MAP2K4: variants seen among roughly 807,000 people sequenced by gnomAD.
MAP2K4 encodes the protein mitogen-activated protein kinase kinase 4.
A neutral mutation model predicts 48.5 loss-of-function variants in MAP2K4; 4 were observed. The observed-to-expected ratio is 0.08, with a 90% CI of 0.04 to 0.19. The LOEUF (loss-of-function observed/expected upper bound fraction) is 0.19, where lower values mean the gene tolerates loss of function less well. Among genes scored for constraint, MAP2K4 ranks in the 10% least tolerant of loss-of-function variants. The probability of loss-of-function intolerance (pLI) is 1.00; values close to 1 mark genes in which losing one functional copy is unlikely to be tolerated. For missense variants in MAP2K4, 258 were observed against 493.3 expected, an observed-to-expected ratio of 0.52 and a Z score of 4.52; for synonymous variants, 166 against 173.1, an observed-to-expected ratio of 0.96 and a Z score of 0.32.
chr17:12,078,217 A>G (rs1971075818), intron 2 of MAP2K4, among the ~76,000 whole-genome samples: 1 of 152,166 alleles, frequency 6.6e-6, no homozygotes, highest in Non-Finnish European at 1.5e-5. Context: ...GTGACAGCTG[A>G]TAGTTACTGC....
At chr17:12,104,725 A>C (rs1328261813) in intron 4 of MAP2K4, among the ~76,000 whole-genome samples, 4 of 152,048 alleles carry the variant, frequency 2.6e-5, no homozygotes, top group Admixed American at 6.6e-5. Context: ...GTCCTTGTTT[A>C]TACACAAGTG....
At chr17:12,073,737 G>A (rs1052318541) in intron 2 of MAP2K4, among the ~76,000 whole-genome samples, 3 of 150,930 alleles carry the variant, frequency 2.0e-5, no homozygotes, top group Non-Finnish European at 4.4e-5. Flanking sequence ...TAACATATCC[G>A]TCATTCCCAG....
intron 1 of MAP2K4, among the ~76,000 whole-genome samples, chr17:12,047,554 T>G (rs942480382): frequency 6.6e-6 from 1 of 152,222 alleles, no homozygotes; most frequent in Non-Finnish European, 1.5e-5. Context: ...GTTTCTAGTT[T>G]AATAGAATTA....
intron 3 of MAP2K4, among the ~76,000 whole-genome samples, chr17:12,086,911 A>G (rs1971386086): frequency 6.6e-6 from 1 of 152,158 alleles, no homozygotes; most frequent in Non-Finnish European, 1.5e-5. Context: ...CAGTGGCACA[A>G]TCTTGGCTCA....
intron 1 of MAP2K4, among the ~76,000 whole-genome samples, chr17:12,025,401 G>C (rs1209968878): frequency 6.6e-6 from 1 of 152,108 alleles, no homozygotes; most frequent in Non-Finnish European, 1.5e-5. Context: ...ATGATTATTT[G>C]CCTGCTGTAG....
chr17:12,090,554 C>T lies in MAP2K4; in HGVS notation c.394-5021C>T, dbSNP rs370438693. 4.6e-5 allele frequency among the ~76,000 whole-genome samples: 7 copies of T among 152,146 alleles called. No individual in the cohort carries two copies. In the East Asian group the frequency reaches 1.4e-3, roughly 29 times the overall value. On this transcript the variant is annotated intron_variant, in intron 3 of 10. Transcript: ENST00000353533. ...TCTGCAACTCCATCCTTAGCCTTTGCGTTGTCAGCCTGCCTTCCTTTGCCA... is the reference window on the plus strand; with the variant it reads ...TCTGCAACTCCATCCTTAGCCTTTGTGTTGTCAGCCTGCCTTCCTTTGCCA...
At chr17:12,125,049 T>C in intron 7 of MAP2K4, 1 of 451,532 alleles carries the variant, frequency 2.2e-6, no homozygotes, top group Non-Finnish European at 4.0e-6. Context: ...TTGTAAATGC[T>C]TTTGAGTCTT....
chr17:12,080,570 A>G (rs1193678540), intron 2 of MAP2K4, among the ~76,000 whole-genome samples: 1 of 152,172 alleles, frequency 6.6e-6, no homozygotes, highest in Non-Finnish European at 1.5e-5. Flanking sequence ...TCTTTTGTCT[A>G]CGAGCCACTC....
chr17:12,096,067 T>TCCACCCC (rs1971741762), intron 4 of MAP2K4, among the ~76,000 whole-genome samples: 1 of 23,760 alleles, frequency 4.2e-5, no homozygotes, highest in African/African-American at 1.5e-4. Context: ...GAGCAACGCC[T>TCCACCCC]CCCCCCCCCC....
intron 2 of MAP2K4, chr17:12,069,768 T>C (rs1403004574): frequency 9.7e-7 from 1 of 1,029,252 alleles, no homozygotes; most frequent in Non-Finnish European, 1.3e-6. Context: ...CAGAGCTGCA[T>C]TGCAGAAGGA....
At chr17:12,093,521 A>G (rs551173155) in intron 3 of MAP2K4, among the ~76,000 whole-genome samples, 17 of 152,338 alleles carry the variant, frequency 1.1e-4, no homozygotes, top group African/African-American at 4.1e-4. Context: ...TTGAAATATA[A>G]ATATTTGTAC....
At chr17:12,021,244 C>T (rs1477205431) in intron 1 of MAP2K4, 1 of 289,006 alleles carries the variant, frequency 3.5e-6, no homozygotes, top group Non-Finnish European at 6.4e-6. Flanking sequence ...CTGGGCCCTA[C>T]CGGGCTCTCA....
At chr17:12,061,931 A>G (rs1187072048) in intron 2 of MAP2K4, among the ~76,000 whole-genome samples, 1 of 152,008 alleles carries the variant, frequency 6.6e-6, no homozygotes, top group Non-Finnish European at 1.5e-5. Flanking sequence ...GAGTAACAGT[A>G]TGATTATATT....
chr17:12,083,356 A>G (rs1021756783), intron 3 of MAP2K4, among the ~76,000 whole-genome samples: 1 of 152,242 alleles, frequency 6.6e-6, no homozygotes, highest in Non-Finnish European at 1.5e-5. Flanking sequence ...GTAATGTTAC[A>G]TTATCAGTGG....
chr17:12,107,707 C>G (rs973650655), intron 4 of MAP2K4, 83 bp from the exon 5 acceptor site: 2 of 1,179,160 alleles, frequency 1.7e-6, no homozygotes, highest in African/African-American at 3.2e-5. Context: ...TAAGATTGCT[C>G]CTTTCTATTG....
intron 7 of MAP2K4, among the ~76,000 whole-genome samples, chr17:12,118,703 G>T (rs1597486309): frequency 6.6e-6 from 1 of 152,316 alleles, no homozygotes; most frequent in African/African-American, 2.4e-5. Flanking sequence ...TAAAAACACT[G>T]TCTTGAACAT....
In MAP2K4 at chr17:12,081,884, A is replaced by AC. The variant is rs1022094812; in HGVS notation, c.393+355dup. 5.5e-6 allele frequency: 3 copies of AC among 540,584 alleles called. No individual in the cohort carries two copies. Among genetic ancestry groups the AC allele is most frequent in the African/African-American group, 1.9e-5 (1 of 52,396 alleles). 33.5% of individuals were successfully genotyped at this position (540,584 alleles called of 1,614,324 possible). A position where few individuals can be genotyped will look rare whatever the true frequency, so the allele number is the denominator to read the frequency against. ...TGAGCCAGGCGGGAGCTGGAAGAAG[A>AC]CGCAGCACACTGGGTTGGGCAAGGT... is the stretch of plus-strand genomic sequence containing the variant. On this transcript the variant is annotated intron_variant, in intron 3 of 10. Coordinates refer to ENST00000353533, the MANE Select transcript of MAP2K4 (RefSeq NM_003010.4). This position sits in a 1 kb window ranked among gnomAD's most constrained non-coding sequence, Gnocchi z 4.2.
At chr17:12,025,887 C>T (rs191304744) in intron 1 of MAP2K4, among the ~76,000 whole-genome samples, 14 of 152,262 alleles carry the variant, frequency 9.2e-5, no homozygotes, top group East Asian at 1.9e-4. Context: ...GTCTGGTTTT[C>T]GAGAACCATG....
Position 12,055,007 on chromosome 17 carries a change from A to G in MAP2K4, c.218+16A>G, listed in dbSNP as rs780717323. Reference sequence around the variant, plus strand: ...ACCCACACATGTGAGTATTCTTGGTAATCAAAGGCTCAACTCAAGCAAAGA... The same window carrying G: ...ACCCACACATGTGAGTATTCTTGGTGATCAAAGGCTCAACTCAAGCAAAGA... On this transcript the variant is annotated intron_variant, in intron 2 of 10. Transcript: ENST00000353533. 27 of 1,496,802 alleles carry G rather than the reference A, an allele frequency of 1.8e-5. No homozygotes were observed. In the Admixed American group the frequency reaches 3.1e-4, roughly 17 times the overall value. The allele number at this position is 1,496,802 out of a possible 1,614,324, so 92.7% of individuals were successfully genotyped here. A position where few individuals can be genotyped will look rare whatever the true frequency, so the allele number is the denominator to read the frequency against.
Sources: allele counts gnomAD v4.1 joint callset (sites outside exome capture counted in the v4.1 genomes callset), GRCh38; gene constraint gnomAD v4.1.1; non-coding constraint Gnocchi (gnomAD v3.1); transcripts MANE v1.5; gene names NCBI Gene and HGNC (gene_info 2026-07-23, HGNC 2026-07-21).